Variants in CCDC178 observed in about 807,000 individuals in gnomAD.
The protein encoded by CCDC178 is coiled-coil domain containing 178, also known as coiled-coil domain-containing protein 178.
Under a neutral mutation model 117.4 loss-of-function variants are expected in CCDC178, and 126 were observed. The ratio of observed to expected loss-of-function variants is 1.07; its 90% confidence interval spans 0.93 to 1.24. CCDC178 has a LOEUF of 1.24. Among genes scored for constraint, CCDC178 ranks in the 50% most tolerant of loss-of-function variants. The pLI, the probability that CCDC178 is intolerant of heterozygous loss-of-function variation, is 0.00. For missense variants in CCDC178, 1,030 were observed against 986.9 expected (o/e 1.04, Z -0.59); for synonymous variants, 283 against 313.4 (o/e 0.90, Z 1.02).
intron 20 of CCDC178, among the ~76,000 whole-genome samples, chr18:33,124,009 AACC>A (rs1446835230): frequency 6.6e-6 from 1 of 152,186 alleles, no homozygotes; most frequent in Non-Finnish European, 1.5e-5. Flanking sequence ...TGATGAGTTT[AACC>A]CAGCAGAAAG....
chr18:33,160,582 T>A (rs886093863), intron 20 of CCDC178, among the ~76,000 whole-genome samples: 1 of 152,128 alleles, frequency 6.6e-6, no homozygotes, highest in African/African-American at 2.4e-5. Flanking sequence ...CAAAGGTATT[T>A]CTCTCGATAC....
At chr18:33,080,337 C>A (rs2057278113) in intron 21 of CCDC178, among the ~76,000 whole-genome samples, 1 of 152,054 alleles carries the variant, frequency 6.6e-6, no homozygotes, top group Admixed American at 6.6e-5. Context: ...ACCGGTGTGA[C>A]AAAATAATCT....
At chr18:32,997,101 C>T (rs1359337455) in intron 21 of CCDC178, among the ~76,000 whole-genome samples, 9 of 152,032 alleles carry the variant, frequency 5.9e-5, no homozygotes, top group Admixed American at 5.9e-4. Context: ...AAGTTATCAT[C>T]CCTGGGAATT....
chr18:33,222,411 T>C (rs1246305786), intron 18 of CCDC178, among the ~76,000 whole-genome samples: 1 of 151,914 alleles, frequency 6.6e-6, no homozygotes, highest in Non-Finnish European at 1.5e-5. Context: ...TTATAAACCA[T>C]AGAAATGTAT....
At chr18:33,384,062 T>C (rs1316915423) in intron 5 of CCDC178, among the ~76,000 whole-genome samples, 1 of 152,030 alleles carries the variant, frequency 6.6e-6, no homozygotes, top group African/African-American at 2.4e-5. Context: ...AACTTCATGA[T>C]GCAAACGTAA....
chr18:33,106,307 A>AAAGG (rs1286365125), intron 20 of CCDC178, among the ~76,000 whole-genome samples: 3 of 151,810 alleles, frequency 2.0e-5, no homozygotes, highest in South Asian at 2.1e-4. Flanking sequence ...GAAAATAAAG[A>AAAGG]AAGGAAGGAA....
At position 33,403,170 on chromosome 18, in the gene CCDC178, A is replaced by G. The variant is rs528838408; in HGVS notation, c.59-5962T>C. Among the ~76,000 whole-genome samples, 9 of 152,308 alleles carry G rather than the reference A, an allele frequency of 5.9e-5. No homozygotes were observed. In the South Asian group the frequency reaches 1.9e-3, roughly 32 times the overall value. On this transcript the variant is annotated intron_variant, in intron 3 of 22. Transcript: ENST00000383096. Reference sequence around the variant, plus strand: ...GTGCCAGAAGGAAAGGCTAAGGCTGAGCTGTCAAGTCCTTGGATGAGTGTT... The same window carrying G: ...GTGCCAGAAGGAAAGGCTAAGGCTGGGCTGTCAAGTCCTTGGATGAGTGTT...
intron 22 of CCDC178, among the ~76,000 whole-genome samples, chr18:32,972,373 T>C (rs2054945236): frequency 6.6e-6 from 1 of 152,126 alleles, no homozygotes; most frequent in Admixed American, 6.5e-5. Context: ...GTTCCACTGG[T>C]CTATTTATCT....
At chr18:33,079,472 A>C (rs150205708) in intron 21 of CCDC178, among the ~76,000 whole-genome samples, 1 of 152,298 alleles carries the variant, frequency 6.6e-6, no homozygotes, top group Non-Finnish European at 1.5e-5. Context: ...AAATAAAACT[A>C]TCAACAGAGT....
intron 12 of CCDC178, among the ~76,000 whole-genome samples, chr18:33,291,222 T>C (rs1187683371): frequency 6.6e-6 from 1 of 152,130 alleles, no homozygotes; most frequent in Non-Finnish European, 1.5e-5. Flanking sequence ...CACAAAGGAA[T>C]GTATTTATAC....
chr18:33,431,841 G>A (rs536704303), intron 2 of CCDC178, among the ~76,000 whole-genome samples: 24 of 152,288 alleles, frequency 1.6e-4, no homozygotes, highest in African/African-American at 4.6e-4. Context: ...GTAGTTTTTT[G>A]TCTAAAGGTT....
At chr18:33,172,505 T>A (rs1269244609) in intron 20 of CCDC178, among the ~76,000 whole-genome samples, 1 of 152,066 alleles carries the variant, frequency 6.6e-6, no homozygotes, top group Non-Finnish European at 1.5e-5. Context: ...TGTTTATACA[T>A]TTATATTTAT....
intron 22 of CCDC178, among the ~76,000 whole-genome samples, chr18:32,961,626 A>G (rs9951644): frequency 4.9e-4 from 74 of 152,222 alleles, no homozygotes; most frequent in African/African-American, 1.8e-3. Flanking sequence ...TTGGGATGAA[A>G]CTGTTCCACT....
intron 6 of CCDC178, among the ~76,000 whole-genome samples, chr18:33,358,214 A>G (rs2063082776): frequency 6.6e-6 from 1 of 152,058 alleles, no homozygotes; most frequent in Non-Finnish European, 1.5e-5. Context: ...AATAATGAAA[A>G]AGACTAAATT....
intron 21 of CCDC178, among the ~76,000 whole-genome samples, chr18:33,057,307 T>C (rs1223377798): frequency 6.6e-6 from 1 of 152,196 alleles, no homozygotes; most frequent in African/African-American, 2.4e-5. Flanking sequence ...TATTTATACC[T>C]GCTTCAAAGG....
At chr18:33,422,651 A>C (rs543233218) in intron 2 of CCDC178, among the ~76,000 whole-genome samples, 1 of 152,310 alleles carries the variant, frequency 6.6e-6, no homozygotes, top group South Asian at 2.1e-4. Context: ...TTTTATTTTA[A>C]TTAATTTAAA....
intron 6 of CCDC178, among the ~76,000 whole-genome samples, chr18:33,367,576 AT>A (rs946759156): frequency 6.6e-6 from 1 of 151,882 alleles, no homozygotes; most frequent in South Asian, 2.1e-4. Flanking sequence ...TAATGGGAAG[AT>A]TTTTTTCTTA....
At chr18:33,290,473 A>G (rs2060152714) in intron 12 of CCDC178, among the ~76,000 whole-genome samples, 1 of 152,168 alleles carries the variant, frequency 6.6e-6, no homozygotes, top group South Asian at 2.1e-4. Context: ...AAACAACTCA[A>G]ATAAACAGAG....
At chr18:32,941,000 AG>A (rs1479041501) in intron 22 of CCDC178, among the ~76,000 whole-genome samples, 3 of 152,022 alleles carry the variant, frequency 2.0e-5, no homozygotes, top group African/African-American at 7.2e-5. Context: ...TAGAGCTTTG[AG>A]GGTCAGGGAA....
Sources: gnomAD v4.1 joint callset for allele counts (sites outside exome capture counted in the v4.1 genomes callset) on GRCh38, gnomAD v4.1.1 for gene constraint, MANE v1.5 for transcripts, NCBI Gene and HGNC (gene_info 2026-07-23, HGNC 2026-07-21) for gene names.